Variants in SLC26A7 observed in about 807,000 individuals in gnomAD.
SLC26A7 encodes the protein solute carrier family 26 member 7.
Under a neutral mutation model 82.5 loss-of-function variants are expected in SLC26A7, and 59 were observed. That is an observed-to-expected ratio of 0.72 (90% CI 0.58 to 0.89). The LOEUF (loss-of-function observed/expected upper bound fraction) is 0.89. Ranked by LOEUF, SLC26A7 falls within the 40% of genes least tolerant of loss-of-function variation. The pLI is 0.00. For missense variants in SLC26A7, 820 were observed against 793.0 expected (o/e 1.03, Z -0.41); for synonymous variants, 271 against 274.3 (o/e 0.99, Z 0.12).
intron 4 of SLC26A7, among the ~76,000 whole-genome samples, chr8:91,305,302 T>C (rs1204602168): frequency 6.6e-6 from 1 of 152,222 alleles, no homozygotes; most frequent in Non-Finnish European, 1.5e-5. Context: ...AAAACAGTTC[T>C]TGATAAACAA....
At chr8:91,288,478 T>C (rs1811770868) in intron 2 of SLC26A7, among the ~76,000 whole-genome samples, 1 of 152,206 alleles carries the variant, frequency 6.6e-6, no homozygotes, top group South Asian at 2.1e-4. Context: ...TTACAAGGAA[T>C]AAAAATTAAC....
chr8:91,385,415 G>A (rs1388311364), intron 15 of SLC26A7, among the ~76,000 whole-genome samples: 3 of 152,198 alleles, frequency 2.0e-5, no homozygotes, highest in African/African-American at 7.2e-5. Flanking sequence ...TTGGAAAAAT[G>A]TTAGAAATGT....
At chr8:91,304,217 T>C (rs560662310) in intron 4 of SLC26A7, among the ~76,000 whole-genome samples, 1 of 152,328 alleles carries the variant, frequency 6.6e-6, no homozygotes, top group South Asian at 2.1e-4. Flanking sequence ...AACTGACTGA[T>C]ATAGTTTGGC....
At chr8:91,304,668 A>C (rs1812255018) in intron 4 of SLC26A7, among the ~76,000 whole-genome samples, 2 of 152,200 alleles carry the variant, frequency 1.3e-5, no homozygotes, top group South Asian at 4.1e-4. Flanking sequence ...CACTTCCTTA[A>C]CTGCTGCTAT....
chr8:91,390,968 T>C (rs1393185431), intron 16 of SLC26A7, among the ~76,000 whole-genome samples: 1 of 152,202 alleles, frequency 6.6e-6, no homozygotes, highest in Non-Finnish European at 1.5e-5. Flanking sequence ...GGGGATAGTC[T>C]TGTATTAGTT....
In SLC26A7 at chr8:91,226,765, T is replaced by G. The variant is rs557957811; in HGVS notation, c.-34+7760T>G. Among the ~76,000 whole-genome samples the G allele has an allele frequency of 2.6e-5, 4 of 152,384 alleles. No individual in the cohort carries two copies. The East Asian group carries it at 7.7e-4, about 29-fold the overall frequency. On this transcript the variant is annotated intron_variant, in intron 2 of 5. Transcript: ENST00000522862. ...AGAAGATAGAGAATTATGGGAATACTTTTTATGGAGGGCCTGAATCAGACA... is the reference window on the plus strand; with the variant it reads ...AGAAGATAGAGAATTATGGGAATACGTTTTATGGAGGGCCTGAATCAGACA...
intron 11 of SLC26A7, among the ~76,000 whole-genome samples, chr8:91,359,279 G>T (rs990660260): frequency 1.3e-5 from 2 of 152,158 alleles, no homozygotes; most frequent in African/African-American, 4.8e-5. Context: ...CTTGTGAAAT[G>T]ATTGGATAAG....
intron 4 of SLC26A7, among the ~76,000 whole-genome samples, chr8:91,313,801 G>A (rs958840760): frequency 1.3e-5 from 2 of 152,180 alleles, no homozygotes; most frequent in African/African-American, 4.8e-5. Flanking sequence ...GGAACAATAA[G>A]TGATTTGGTA....
At chr8:91,212,277 T>A (rs915461104) in intron 1 of SLC26A7, among the ~76,000 whole-genome samples, 1 of 152,152 alleles carries the variant, frequency 6.6e-6, no homozygotes, top group Admixed American at 6.5e-5. Flanking sequence ...ACTTGAGTGA[T>A]CCTGTGCCCA....
chr8:91,234,749 CTCTT>C (rs1186342641), intron 2 of SLC26A7, among the ~76,000 whole-genome samples: 1 of 151,482 alleles, frequency 6.6e-6, no homozygotes, highest in Non-Finnish European at 1.5e-5. Flanking sequence ...TTGTTTCTTT[CTCTT>C]TCTCTCTCTC....
At chr8:91,357,627 TA>T (rs1813909018) in intron 11 of SLC26A7, among the ~76,000 whole-genome samples, 1 of 152,166 alleles carries the variant, frequency 6.6e-6, no homozygotes, top group South Asian at 2.1e-4. Flanking sequence ...ATTAAAGACT[TA>T]AATGTTAGAC....
intron 13 of SLC26A7, among the ~76,000 whole-genome samples, chr8:91,365,405 C>T (rs565642350): frequency 6.6e-6 from 1 of 152,336 alleles, no homozygotes; most frequent in Admixed American, 6.5e-5. Flanking sequence ...TGGCATGTGG[C>T]TCACAGGCCA....
intron 5 of SLC26A7, among the ~76,000 whole-genome samples, chr8:91,333,717 T>C (rs1216709457): frequency 6.6e-6 from 1 of 152,178 alleles, no homozygotes; most frequent in Admixed American, 6.5e-5. Flanking sequence ...CTGAGCAACG[T>C]CTCAATTTTT....
chr8:91,370,266 A>G (rs1385821638), intron 15 of SLC26A7, among the ~76,000 whole-genome samples: 1 of 109,186 alleles, frequency 9.2e-6, no homozygotes, highest in Admixed American at 9.5e-5. Flanking sequence ...TCTCTCTTCA[A>G]TCTCCTCCTC....
intron 4 of SLC26A7, among the ~76,000 whole-genome samples, chr8:91,304,399 TTCTA>T (rs1242221385): frequency 1.3e-5 from 2 of 152,136 alleles, no homozygotes; most frequent in Non-Finnish European, 2.9e-5. Flanking sequence ...TCCTCCTTCT[TTCTA>T]TCTCTCTCCT....
rs186046232 is a variant in SLC26A7, at chr8:91,288,016, G to C, written c.194-1120G>C. 3.3e-5 allele frequency among the ~76,000 whole-genome samples: 5 copies of C among 152,200 alleles called. No homozygotes were observed. The East Asian group carries it at 9.6e-4, about 29-fold the overall frequency. ...TGGTTTTTAAAAAGAAGAAAGGAGT[G>C]GTCATTGGTTAACTTTTCATGTATT... On this transcript the variant is annotated intron_variant, in intron 2 of 18. Coordinates refer to ENST00000276609, the MANE Select transcript of SLC26A7 (RefSeq NM_052832.4).
intron 4 of SLC26A7, among the ~76,000 whole-genome samples, chr8:91,304,982 T>C (rs1457540195): frequency 1.3e-5 from 2 of 152,200 alleles, no homozygotes; most frequent in Non-Finnish European, 2.9e-5. Flanking sequence ...CATACTTATA[T>C]GTGATTCCTC....
chr8:91,367,308 G>C (rs929120571), intron 14 of SLC26A7, among the ~76,000 whole-genome samples: 1 of 152,060 alleles, frequency 6.6e-6, no homozygotes, highest in African/African-American at 2.4e-5. Context: ...GCGCCCAGTC[G>C]AAAGGATCTT....
At chr8:91,327,547 A>G (rs1812967243) in intron 5 of SLC26A7, among the ~76,000 whole-genome samples, 1 of 152,108 alleles carries the variant, frequency 6.6e-6, no homozygotes, top group African/African-American at 2.4e-5. Context: ...GCACTTTCAA[A>G]CCAAAGTTTG....
Sources: gnomAD v4.1 joint callset for allele counts (sites outside exome capture counted in the v4.1 genomes callset) on GRCh38, gnomAD v4.1.1 for gene constraint, MANE v1.5 for transcripts, NCBI Gene and HGNC (gene_info 2026-07-23, HGNC 2026-07-21) for gene names.